Variants in DTX1 observed in about 807,000 individuals in gnomAD.
DTX1 encodes deltex E3 ubiquitin ligase 1.
In DTX1, 26 loss-of-function variants were observed where a neutral mutation model predicts 57.8. The ratio of observed to expected loss-of-function variants is 0.45; its 90% confidence interval spans 0.33 to 0.62. The LOEUF is 0.62. DTX1 is among the 20% of genes least tolerant of loss of function. The pLI, the probability that DTX1 is intolerant of heterozygous loss-of-function variation, is 0.02. For synonymous variants in DTX1, 398 were observed against 394.1 expected (o/e 1.01, Z -0.12); for missense variants, 704 against 895.3 (o/e 0.79, Z 2.73).
At chr12:113,076,923 T>C (rs954009398) in intron 2 of DTX1, among the ~76,000 whole-genome samples, 1 of 152,144 alleles carries the variant, frequency 6.6e-6, no homozygotes, top group Non-Finnish European at 1.5e-5. Context: ...TATCTGACTC[T>C]GGTCTGAAGA....
chr12:113,096,600 T>G, intron 9 of DTX1, 115 bp from the exon 10 acceptor site: 1 of 962,742 alleles, frequency 1.0e-6, no homozygotes, highest in Non-Finnish European at 1.5e-6. Flanking sequence ...TTGGTGCTAA[T>G]GGACGAAGCC....
chr12:113,093,942 C>G lies in DTX1; in HGVS notation c.1166-96C>G. Reference sequence around the variant, plus strand: ...CTGACCCCGGCCAACCCTTGCCAGCCTGACCCCTGCCCTCTGACCCCTGAC... The same window carrying G: ...CTGACCCCGGCCAACCCTTGCCAGCGTGACCCCTGCCCTCTGACCCCTGAC... On this transcript the variant is annotated intron_variant, in intron 5 of 9. Transcript: ENST00000548759. This position sits in a 1 kb window ranked among gnomAD's most constrained non-coding sequence, Gnocchi z 4.2. The G allele has an allele frequency of 1.3e-6, 2 of 1,521,702 alleles. No homozygotes were observed. The highest frequency in any genetic ancestry group is 1.8e-6 in the Non-Finnish European group (2 of 1,119,394). The allele number at this position is 1,521,702 out of a possible 1,614,324, so 94.3% of individuals were successfully genotyped here.
intron 2 of DTX1, among the ~76,000 whole-genome samples, chr12:113,068,005 A>G (rs2044715259): frequency 6.6e-6 from 1 of 152,144 alleles, no homozygotes; most frequent in Non-Finnish European, 1.5e-5. Flanking sequence ...CACCACTGCA[A>G]TCCACCCTGG....
chr12:113,088,072 G>C (rs1837468947), intron 3 of DTX1, among the ~76,000 whole-genome samples: 2 of 152,322 alleles, frequency 1.3e-5, no homozygotes, highest in Middle Eastern at 3.4e-3. Context: ...CTCAACTCCA[G>C]ATGGCTCCAC....
chr12:113,065,476 A>AC (rs1396876403), intron 2 of DTX1, among the ~76,000 whole-genome samples: 6 of 150,498 alleles, frequency 4.0e-5, no homozygotes, highest in African/African-American at 1.5e-4. Flanking sequence ...CCCGGGACAG[A>AC]CCCCCTCGCA....
rs60642403 is a variant in DTX1, at chr12:113,072,696, C to CTTTTT, written c.260-4707_260-4703dup. On this transcript the variant is annotated intron_variant, in intron 2 of 9. Transcript: ENST00000548759. The stretch of plus-strand genomic sequence containing the variant: ...ATTTGCACAAGACCTGAGAGATTTT[C>CTTTTT]TTTTTTTTTTTTTTTTTTTTTTTTT... 2.0e-3 allele frequency among the ~76,000 whole-genome samples: 143 copies of CTTTTT among 71,108 alleles called. 7 individuals are homozygous for CTTTTT. Among genetic ancestry groups the CTTTTT allele is most frequent in the African/African-American group, 4.7e-3 (91 of 19,170 alleles). 46.6% of individuals were successfully genotyped at this position (71,108 alleles called of 152,430 possible).
At chr12:113,074,735 T>C (rs2044758517) in intron 2 of DTX1, among the ~76,000 whole-genome samples, 1 of 152,108 alleles carries the variant, frequency 6.6e-6, no homozygotes, top group Non-Finnish European at 1.5e-5. Context: ...AGAGATAACA[T>C]GGCGGGGACT....
rs60642403 is a variant in DTX1 at position 113,072,696 on chromosome 12, C to CTTTTTT, written c.260-4708_260-4703dup. On this transcript the variant is annotated intron_variant, in intron 2 of 9. Coordinates refer to ENST00000548759, the MANE Select transcript of DTX1 (RefSeq NM_004416.3). ...ATTTGCACAAGACCTGAGAGATTTT[C>CTTTTTT]TTTTTTTTTTTTTTTTTTTTTTTTT... 7.0e-4 allele frequency among the ~76,000 whole-genome samples: 50 copies of CTTTTTT among 71,104 alleles called. 1 individual carries two copies. The highest frequency in any genetic ancestry group is 1.6e-3 in the African/African-American group (31 of 19,176). The allele number at this position is 71,104 out of a possible 152,430, so 46.6% of individuals were successfully genotyped here. A position where few individuals can be genotyped will look rare whatever the true frequency, so the allele number is the denominator to read the frequency against.
chr12:113,084,057 C>A (rs1455567849), intron 3 of DTX1, among the ~76,000 whole-genome samples: 1 of 152,222 alleles, frequency 6.6e-6, no homozygotes, highest in Non-Finnish European at 1.5e-5. Flanking sequence ...CGGGTAACAG[C>A]GAAGGAGGCC....
At chr12:113,067,268 C>T (rs1390589836) in intron 2 of DTX1, among the ~76,000 whole-genome samples, 2 of 151,946 alleles carry the variant, frequency 1.3e-5, no homozygotes, top group South Asian at 2.1e-4. Flanking sequence ...CCTGGAATAC[C>T]ACCTTCCCAG....
At chr12:113,095,273 C>G (rs952860260) in intron 8 of DTX1, 52 bp from the exon 9 acceptor site, 5 of 1,611,854 alleles carry the variant, frequency 3.1e-6, no homozygotes, top group Non-Finnish European at 4.2e-6. Flanking sequence ...TGCTTCTCCA[C>G]CCTGCCACCA....
chr12:113,091,280 TGTGA>T (rs781647069), intron 3 of DTX1, among the ~76,000 whole-genome samples: 1 of 152,134 alleles, frequency 6.6e-6, no homozygotes, highest in Non-Finnish European at 1.5e-5. Context: ...CCCTGGAATA[TGTGA>T]GTGTGTGTGT....
intron 3 of DTX1, among the ~76,000 whole-genome samples, chr12:113,085,248 C>T (rs1364075000): frequency 1.3e-5 from 2 of 152,146 alleles, no homozygotes; most frequent in Non-Finnish European, 2.9e-5. Context: ...TGGGGTTTCA[C>T]CATGTTTGCC....
Position 113,096,257 on chromosome 12 carries a change from A to G in DTX1, c.1639-458A>G, listed in dbSNP as rs552498356. Among the ~76,000 whole-genome samples, 7 of 151,298 alleles carry G rather than the reference A, an allele frequency of 4.6e-5. No individual in the cohort carries two copies. In the Middle Eastern group the frequency reaches 0.01, roughly 225 times the overall value. On this transcript the variant is annotated intron_variant, in intron 9 of 9. Coordinates refer to ENST00000548759, the MANE Select transcript of DTX1 (RefSeq NM_004416.3). The stretch of plus-strand genomic sequence containing the variant: ...AGTGGTGCACACCTGTAATCCCTGC[A>G]CTTGGGGAGGCCGAGGTGGGAGGAT...
chr12:113,075,514 C>G (rs753253220), intron 2 of DTX1, among the ~76,000 whole-genome samples: 2 of 152,238 alleles, frequency 1.3e-5, no homozygotes, highest in African/African-American at 2.4e-5. Flanking sequence ...TCATCAGCCC[C>G]AAGACACAGA....
Position 113,075,132 on chromosome 12 carries a change from C to A in DTX1, c.260-2292C>A, listed in dbSNP as rs77720207. Among the ~76,000 whole-genome samples the A allele has an allele frequency of 7.4e-4, 113 of 152,354 alleles. 5 individuals carry two copies. The East Asian group carries it at 0.02, about 28-fold the overall frequency. On this transcript the variant is annotated intron_variant, in intron 2 of 9. Coordinates refer to ENST00000548759, the MANE Select transcript of DTX1 (RefSeq NM_004416.3). ...ACCCCACAAGCAACTGTTGCTACAG[C>A]TGGCAAACGCAGCAGTCTTCTATTG... is the stretch of plus-strand genomic sequence containing the variant.
chr12:113,078,173 T>G (rs2044790076), intron 3 of DTX1, 68 bp downstream of exon 3: 2 of 1,193,504 alleles, frequency 1.7e-6, no homozygotes, highest in Non-Finnish European at 2.1e-6. Flanking sequence ...CCGGGGGTGG[T>G]TGGCCACTAG....
chr12:113,058,057 G>T lies in DTX1; in HGVS notation c.-136G>T. 7.3e-7 allele frequency: 1 copy of T among 1,377,596 alleles called. No homozygotes were observed. The allele number at this position is 1,377,596 out of a possible 1,614,324, so 85.3% of individuals were successfully genotyped here. A position where few individuals can be genotyped will look rare whatever the true frequency, so the allele number is the denominator to read the frequency against. Reference sequence around the variant, plus strand: ...AACGGAGGTCTCTAGGCCTCAGAGAGAACCCAGAGTTAGAAAGGAGGCCAG... The same window carrying T: ...AACGGAGGTCTCTAGGCCTCAGAGATAACCCAGAGTTAGAAAGGAGGCCAG... On this transcript the variant is annotated 5_prime_UTR_variant, in exon 2 of 10. Transcript: ENST00000548759.
At chr12:113,095,446 A>G in intron 9 of DTX1, 32 bp downstream of exon 9, 3 of 1,613,456 alleles carry the variant, frequency 1.9e-6, no homozygotes, top group Non-Finnish European at 1.7e-6. Context: ...CATGGGAGAT[A>G]GGCACAGGCA....
Sources: gnomAD v4.1 joint callset for allele counts (sites outside exome capture counted in the v4.1 genomes callset) on GRCh38, gnomAD v4.1.1 for gene constraint, Gnocchi (gnomAD v3.1) non-coding constraint, MANE v1.5 for transcripts, NCBI Gene and HGNC (gene_info 2026-07-23, HGNC 2026-07-21) for gene names.